OSBPL6: variants seen among roughly 807,000 people sequenced by gnomAD.
OSBPL6 encodes oxysterol binding protein like 6.
OSBPL6 carries 49 observed loss-of-function variants against 125.8 expected under a neutral mutation model. The ratio of observed to expected loss-of-function variants is 0.39; its 90% CI spans 0.31 to 0.49. The LOEUF (loss-of-function observed/expected upper bound fraction) is 0.49, where lower values mean the gene tolerates loss of function less well. Among genes scored for constraint, OSBPL6 ranks in the 20% least tolerant of loss-of-function variants. OSBPL6 has a pLI of 0.88. For synonymous variants in OSBPL6, 394 were observed against 391.8 expected, an observed-to-expected ratio of 1.01 and a Z score of -0.07; for missense variants, 986 against 1,135.4, an observed-to-expected ratio of 0.87 and a Z score of 1.89.
intron 1 of OSBPL6, among the ~76,000 whole-genome samples, chr2:178,231,335 G>A (rs2090808164): frequency 1.3e-5 from 2 of 152,116 alleles, no homozygotes; most frequent in Admixed American, 1.3e-4. Flanking sequence ...TGTTGTACAT[G>A]TGGCTGGCAA....
At chr2:178,376,445 C>T (rs1415672487) in intron 15 of OSBPL6, among the ~76,000 whole-genome samples, 2 of 152,118 alleles carry the variant, frequency 1.3e-5, no homozygotes, top group African/African-American at 2.4e-5. Context: ...TGTACATCTT[C>T]CTGCAGCTTC....
intron 8 of OSBPL6, among the ~76,000 whole-genome samples, chr2:178,334,940 G>T (rs1040657795): frequency 6.6e-6 from 1 of 152,198 alleles, no homozygotes; most frequent in Admixed American, 6.5e-5. Flanking sequence ...AATAAAAAAG[G>T]GAACGAACCA....
chr2:178,304,580 A>G (rs1686588819), intron 2 of OSBPL6, among the ~76,000 whole-genome samples: 1 of 152,180 alleles, frequency 6.6e-6, no homozygotes, highest in Non-Finnish European at 1.5e-5. Context: ...ACCAAACCAT[A>G]TCACAAGCTG....
intron 3 of OSBPL6, among the ~76,000 whole-genome samples, chr2:178,309,430 C>A (rs1687067611): frequency 6.6e-6 from 1 of 152,136 alleles, no homozygotes; most frequent in South Asian, 2.1e-4. Flanking sequence ...ACAAATTTTC[C>A]ATTCCTGATT....
intron 2 of OSBPL6, among the ~76,000 whole-genome samples, chr2:178,293,929 CTTATATAAAA>C (rs1685504803): frequency 6.6e-6 from 1 of 151,608 alleles, no homozygotes; most frequent in South Asian, 2.1e-4. Flanking sequence ...AATTTTATAC[CTTATATAAAA>C]TTAACTCAAA....
At chr2:178,378,734 G>A (rs1296547980) in intron 15 of OSBPL6, among the ~76,000 whole-genome samples, 2 of 152,160 alleles carry the variant, frequency 1.3e-5, no homozygotes, top group Non-Finnish European at 2.9e-5. Flanking sequence ...ATTGACCACA[G>A]CAAGATAGCC....
At chr2:178,315,739 T>C (rs1420101857) in intron 3 of OSBPL6, among the ~76,000 whole-genome samples, 1 of 152,120 alleles carries the variant, frequency 6.6e-6, no homozygotes, top group African/African-American at 2.4e-5. Context: ...TCACACCAAA[T>C]AGACAGGGCC....
At chr2:178,212,136 A>C (rs2089889311) in intron 1 of OSBPL6, among the ~76,000 whole-genome samples, 1 of 152,148 alleles carries the variant, frequency 6.6e-6, no homozygotes, top group Admixed American at 6.5e-5. Context: ...TATAAACTCT[A>C]ACAAGGCCGC....
intron 1 of OSBPL6, among the ~76,000 whole-genome samples, chr2:178,221,044 C>T (rs1233860505): frequency 6.6e-6 from 1 of 152,154 alleles, no homozygotes; most frequent in Non-Finnish European, 1.5e-5. Context: ...AGGTAATTGA[C>T]TCTTCAGCCC....
chr2:178,349,313 C>T lies in OSBPL6; in HGVS notation c.1077C>T (p.Ser359=), dbSNP rs1296836583. Residue 359 remains serine (S), a synonymous_variant, in exon 12 of 25, where the codon AGC becomes AGT. Coordinates refer to ENST00000190611, the MANE Select transcript of OSBPL6 (RefSeq NM_032523.4). ...CADIEFQTPP[S]HLTDPLESST... is the part of the protein sequence containing the mutation. ...ATATTGAATTTCAGACTCCCCCTAG[C>T]CACCTCACTGACCCTCTGGAAAGTT... 1.2e-6 allele frequency: 2 copies of T among 1,614,158 alleles called. No homozygotes were observed. Among genetic ancestry groups the T allele is most frequent in the Non-Finnish European group, 1.7e-6 (2 of 1,179,988 alleles).
intron 1 of OSBPL6, among the ~76,000 whole-genome samples, chr2:178,246,118 C>G (rs534765353): frequency 2.5e-4 from 38 of 152,310 alleles, no homozygotes; most frequent in African/African-American, 8.9e-4. Context: ...ATCTCCACTC[C>G]CATATTTTCC....
chr2:178,321,112 C>T (rs1278541770), intron 3 of OSBPL6, among the ~76,000 whole-genome samples: 11 of 152,184 alleles, frequency 7.2e-5, no homozygotes, highest in African/African-American at 2.7e-4. Context: ...GATTGTGTCA[C>T]TGCACTCCAG....
chr2:178,391,766 C>T (rs1695425261), intron 22 of OSBPL6, among the ~76,000 whole-genome samples: 1 of 152,106 alleles, frequency 6.6e-6, no homozygotes, highest in Non-Finnish European at 1.5e-5. Flanking sequence ...AACAAGTATC[C>T]ACATGACATT....
intron 3 of OSBPL6, among the ~76,000 whole-genome samples, chr2:178,320,923 G>C (rs796880634): frequency 3.4e-4 from 52 of 152,290 alleles, no homozygotes; most frequent in African/African-American, 1.2e-3. Context: ...ACTTTGGGAG[G>C]CCGAGGCGGG....
chr2:178,369,387 C>T (rs35922218), intron 13 of OSBPL6, among the ~76,000 whole-genome samples: 11,650 of 152,126 alleles, frequency 0.077, 676 homozygotes, highest in Non-Finnish European at 0.11. Context: ...ATCCCCAAAC[C>T]CAGAATTATT....
chr2:178,280,208 A>G (rs912815248), intron 1 of OSBPL6, among the ~76,000 whole-genome samples: 1 of 152,206 alleles, frequency 6.6e-6, no homozygotes, highest in African/African-American at 2.4e-5. Flanking sequence ...AAAAATTTAA[A>G]AAAAATAAAA....
intron 5 of OSBPL6, among the ~76,000 whole-genome samples, chr2:178,329,376 G>C (rs6433721): frequency 4.0e-5 from 6 of 151,370 alleles, no homozygotes; most frequent in East Asian, 1.9e-4. Flanking sequence ...GAAAGTTGCC[G>C]TACATTTTCA....
At chr2:178,384,424 C>T (rs1284550572) in intron 18 of OSBPL6, among the ~76,000 whole-genome samples, 1 of 152,168 alleles carries the variant, frequency 6.6e-6, no homozygotes, top group Non-Finnish European at 1.5e-5. Context: ...TGGGTTTATA[C>T]ATTTTAGGGA....
intron 12 of OSBPL6, among the ~76,000 whole-genome samples, chr2:178,355,787 AAG>A (rs1415080451): frequency 2.0e-5 from 3 of 152,262 alleles, no homozygotes; most frequent in Non-Finnish European, 4.4e-5. Context: ...ACAACAAAAA[AAG>A]AGAATTTTAG....
Sources: allele counts gnomAD v4.1 joint callset (sites outside exome capture counted in the v4.1 genomes callset), GRCh38; gene constraint gnomAD v4.1.1; transcripts MANE v1.5; gene names NCBI Gene and HGNC (gene_info 2026-07-23, HGNC 2026-07-21).